Variants in PACS1 observed in about 807,000 individuals in gnomAD.
PACS1 encodes the protein PACS-1.
In PACS1, 24 loss-of-function variants were observed where a neutral mutation model predicts 115.0. The ratio of observed to expected loss-of-function variants is 0.21; its 90% CI spans 0.15 to 0.29. PACS1 has a LOEUF of 0.29. PACS1 is among the 10% of genes least tolerant of loss of function. The pLI, the probability that PACS1 is intolerant of heterozygous loss-of-function variation, is 1.00. For missense variants in PACS1, 838 were observed against 1,251.2 expected (o/e 0.67, Z 4.98); for synonymous variants, 453 against 504.5 (o/e 0.90, Z 1.37).
At chr11:66,096,824 T>C (rs1857795918) in intron 1 of PACS1, among the ~76,000 whole-genome samples, 1 of 151,436 alleles carries the variant, frequency 6.6e-6, no homozygotes, top group Non-Finnish European at 1.5e-5. Context: ...CTTACACAGG[T>C]GTTTTTACAG....
chr11:66,228,404 T>C (rs577228048), intron 11 of PACS1, among the ~76,000 whole-genome samples: 5 of 152,310 alleles, frequency 3.3e-5, no homozygotes, highest in African/African-American at 7.2e-5. Flanking sequence ...AAAGATCTTA[T>C]GTATTTAGGC....
chr11:66,129,460 A>ATTATTG (rs1287770237), intron 1 of PACS1, among the ~76,000 whole-genome samples: 4 of 121,126 alleles, frequency 3.3e-5, no homozygotes, highest in Non-Finnish European at 6.5e-5. Context: ...AAAAAATATT[A>ATTATTG]TTATTATTAT....
chr11:66,152,198 C>T (rs1361108446), intron 1 of PACS1, among the ~76,000 whole-genome samples: 3 of 152,148 alleles, frequency 2.0e-5, no homozygotes, highest in Non-Finnish European at 4.4e-5. Flanking sequence ...CGTGCCACTG[C>T]ACTCCAGCCT....
chr11:66,085,123 G>A (rs985238777), intron 1 of PACS1, among the ~76,000 whole-genome samples: 2 of 152,138 alleles, frequency 1.3e-5, no homozygotes, highest in Non-Finnish European at 2.9e-5. Context: ...TGTCACTAAC[G>A]CAGCGAAATA....
At chr11:66,179,578 T>C (rs1185107688) in intron 1 of PACS1, among the ~76,000 whole-genome samples, 1 of 152,194 alleles carries the variant, frequency 6.6e-6, no homozygotes, top group African/African-American at 2.4e-5. Context: ...TTAACATATA[T>C]ACCCATTCTA....
At chr11:66,190,225 A>G (rs1477622176) in intron 1 of PACS1, among the ~76,000 whole-genome samples, 1 of 152,206 alleles carries the variant, frequency 6.6e-6, no homozygotes, top group Non-Finnish European at 1.5e-5. Context: ...CAAATAAAAC[A>G]TTTGAATTTC....
At chr11:66,082,111 A>G (rs946358394) in intron 1 of PACS1, among the ~76,000 whole-genome samples, 4 of 152,252 alleles carry the variant, frequency 2.6e-5, no homozygotes, top group African/African-American at 9.6e-5. Flanking sequence ...ACAGATTAAC[A>G]TTTCCTTGAA....
At position 66,243,605 on chromosome 11, in the gene PACS1, T is replaced by G; in HGVS notation, c.*325T>G. 3.8e-6 allele frequency: 1 copy of G among 264,636 alleles called. No individual in the cohort carries two copies. Among genetic ancestry groups the G allele is most frequent in the Non-Finnish European group, 7.3e-6 (1 of 136,980 alleles). 16.4% of individuals were successfully genotyped at this position (264,636 alleles called of 1,614,324 possible). A position where few individuals can be genotyped will look rare whatever the true frequency, so the allele number is the denominator to read the frequency against. The stretch of plus-strand genomic sequence containing the variant: ...CTTCCTTCACCCGACTTCCAAACTC[T>G]TCCTTGTGGTATCAGTTTCCTTCTC... On this transcript the variant is annotated 3_prime_UTR_variant, in exon 24 of 24. Coordinates refer to ENST00000320580, the MANE Select transcript of PACS1 (RefSeq NM_018026.4).
Position 66,166,592 on chromosome 11 carries a change from C to T in PACS1, c.357-26894C>T, listed in dbSNP as rs188060983. ...ATATGTATTTCCCTGCACAATTAAT[C>T]GTTTATTTTTGCTTGGTTTTGAATT... On this transcript the variant is annotated intron_variant, in intron 1 of 23. Transcript: ENST00000320580. Among the ~76,000 whole-genome samples, 260 of 150,804 alleles carry T rather than the reference C, an allele frequency of 1.7e-3. 4 individuals are homozygous for T. Among genetic ancestry groups the T allele is most frequent in the Admixed American group, 5.5e-3 (84 of 15,268 alleles).
chr11:66,076,154 T>TC (rs1857393524), intron 1 of PACS1, among the ~76,000 whole-genome samples: 2 of 152,220 alleles, frequency 1.3e-5, no homozygotes, highest in African/African-American at 4.8e-5. Flanking sequence ...CTGTGGAAGC[T>TC]CAGATTACAT....
chr11:66,224,263 G>A (rs1225624915), intron 10 of PACS1, among the ~76,000 whole-genome samples: 1 of 150,220 alleles, frequency 6.7e-6, no homozygotes, highest in Non-Finnish European at 1.5e-5. Flanking sequence ...AAGGGCCTCT[G>A]TCAGGGCAAA....
At chr11:66,168,815 A>G (rs1859671007) in intron 1 of PACS1, among the ~76,000 whole-genome samples, 1 of 148,646 alleles carries the variant, frequency 6.7e-6, no homozygotes, top group Non-Finnish European at 1.5e-5. Flanking sequence ...TTAATTTTAC[A>G]TTTTTAAATT....
At chr11:66,219,532 C>T in intron 7 of PACS1, 1 of 681,648 alleles carries the variant, frequency 1.5e-6, no homozygotes, top group Non-Finnish European at 2.7e-6. Flanking sequence ...ATAGACATTC[C>T]TTCTCCCCGC....
chr11:66,185,215 A>G (rs1188343147), intron 1 of PACS1, among the ~76,000 whole-genome samples: 1 of 152,212 alleles, frequency 6.6e-6, no homozygotes, highest in East Asian at 1.9e-4. Context: ...ATGATGGTCT[A>G]GGACTTCCAA....
At chr11:66,083,503 G>T (rs534216370) in intron 1 of PACS1, among the ~76,000 whole-genome samples, 1 of 152,296 alleles carries the variant, frequency 6.6e-6, no homozygotes, top group South Asian at 2.1e-4. Flanking sequence ...GCAAGCTTGG[G>T]CTGGAAATGG....
chr11:66,155,749 A>G (rs768932049), intron 1 of PACS1, among the ~76,000 whole-genome samples: 1 of 152,188 alleles, frequency 6.6e-6, no homozygotes, highest in Non-Finnish European at 1.5e-5. Context: ...TCTGAGAGGA[A>G]TGAAAACGCA....
At chr11:66,072,374 T>C (rs140638808) in intron 1 of PACS1, among the ~76,000 whole-genome samples, 97 of 152,318 alleles carry the variant, frequency 6.4e-4, no homozygotes, top group African/African-American at 2.2e-3. Flanking sequence ...AGTGCTCTTG[T>C]GCAGAAGTTT....
chr11:66,134,935 G>A (rs1315124827), intron 1 of PACS1, among the ~76,000 whole-genome samples: 4 of 152,106 alleles, frequency 2.6e-5, no homozygotes, highest in Admixed American at 2.0e-4. Context: ...TTTCAGCCAA[G>A]TGCAGTGGCT....
In PACS1 at chr11:66,156,204, T is replaced by TTA. The variant is rs61270162; in HGVS notation, c.357-37233_357-37232dup. 4.7e-3 allele frequency among the ~76,000 whole-genome samples: 396 copies of TTA among 84,924 alleles called. 2 individuals carry two copies. The highest frequency in any genetic ancestry group is 0.018 in the Middle Eastern group (2 of 110). The allele number at this position is 84,924 out of a possible 152,430, so 55.7% of individuals were successfully genotyped here. On this transcript the variant is annotated intron_variant, in intron 1 of 23. Transcript: ENST00000320580. ...CCACAAAGTTGTTTCATTTTTTAAA[T>TTA]TATATATATATATATATATATATAT...
Sources: allele counts gnomAD v4.1 joint callset (sites outside exome capture counted in the v4.1 genomes callset), GRCh38; gene constraint gnomAD v4.1.1; transcripts MANE v1.5; gene names NCBI Gene and HGNC (gene_info 2026-07-23, HGNC 2026-07-21).